Variants in CHMP1A observed in about 807,000 individuals in gnomAD.
CHMP1A encodes the protein charged multivesicular body protein 1A.
Under a neutral mutation model 27.0 loss-of-function variants are expected in CHMP1A, and 17 were observed. The observed-to-expected ratio is 0.63, with a 90% CI of 0.43 to 0.95. The LOEUF is 0.95. CHMP1A is among the 40% of genes least tolerant of loss of function. The probability of loss-of-function intolerance (pLI) is 0.00; values close to 1 mark genes in which losing one functional copy is unlikely to be tolerated. For missense variants in CHMP1A, 275 were observed against 264.0 expected (o/e 1.04, Z -0.29); for synonymous variants, 131 against 107.5 (o/e 1.22, Z -1.35).
chr16:89,646,305 GACAC>G (rs1228695457), intron 6 of CHMP1A, among the ~76,000 whole-genome samples: 1 of 152,194 alleles, frequency 6.6e-6, no homozygotes, highest in Non-Finnish European at 1.5e-5. Context: ...CGCCATGCCT[GACAC>G]ACACTCAAGC....
Position 89,646,005 on chromosome 16 carries a change from A to G in CHMP1A, c.*61T>C. 1 of 1,610,696 alleles carries G rather than the reference A, an allele frequency of 6.2e-7. No individual in the cohort carries two copies. The highest frequency in any genetic ancestry group is 1.1e-5 in the South Asian group (1 of 90,734). On this transcript the variant is annotated 3_prime_UTR_variant, in exon 7 of 7. Transcript: ENST00000397901. ...AGCACAAAGGCAAGACGCGGTGGGG[A>G]GAGGACAGGAGCCTTCCAGCACATC...
rs118148658 is a variant in CHMP1A, at chr16:89,647,015, C to T, written c.381+188G>A. 28,003 of 1,511,332 alleles carry T rather than the reference C, an allele frequency of 0.019. 5,017 individuals are homozygous for T. In the East Asian group the frequency reaches 0.48, roughly 26 times the overall value. The allele number at this position is 1,511,332 out of a possible 1,614,324, so 93.6% of individuals were successfully genotyped here. ...GAGCCAGGTGCCTGCAGGAGGCCCC[C>T]GCCGCCCTGCCCACCCTACCTGTCA... On this transcript the variant is annotated intron_variant, in intron 5 of 6. Coordinates refer to ENST00000397901, the MANE Select transcript of CHMP1A (RefSeq NM_002768.5).
chr16:89,645,797 G>A lies in CHMP1A; in HGVS notation c.*269C>T, dbSNP rs2059768872. 1.0e-6 allele frequency: 1 copy of A among 966,674 alleles called. No individual in the cohort carries two copies. Among genetic ancestry groups the A allele is most frequent in the Non-Finnish European group, 1.5e-6 (1 of 678,744 alleles). 59.9% of individuals were successfully genotyped at this position (966,674 alleles called of 1,614,324 possible). ...ACAGTGCTGGGTGAAAGTCCACAGG[G>A]CCCCTCTTGGCCTCCCCGCTGTGGG... is the stretch of plus-strand genomic sequence containing the variant. On this transcript the variant is annotated 3_prime_UTR_variant, in exon 7 of 7. Transcript: ENST00000397901.
intron 5 of CHMP1A, chr16:89,646,953 T>C (rs1481984937): frequency 8.6e-7 from 1 of 1,161,878 alleles, no homozygotes; most frequent in African/African-American, 1.9e-5. Flanking sequence ...TTTCCACACC[T>C]CTGCATGCTT....
At chr16:89,652,886 T>G (rs2059835849) in intron 2 of CHMP1A, among the ~76,000 whole-genome samples, 1 of 152,160 alleles carries the variant, frequency 6.6e-6, no homozygotes, top group African/African-American at 2.4e-5. Flanking sequence ...TGCCCTGGAT[T>G]ACCGGAAGCT....
At chr16:89,656,203 C>A (rs1435810629) in intron 1 of CHMP1A, among the ~76,000 whole-genome samples, 2 of 152,236 alleles carry the variant, frequency 1.3e-5, no homozygotes, top group Non-Finnish European at 2.9e-5. Context: ...GTGGCGCGAT[C>A]TCGGCTCACT....
At chr16:89,649,305 T>G (rs749837191) in intron 4 of CHMP1A, 46 bp downstream of exon 4, 1 of 1,596,090 alleles carries the variant, frequency 6.3e-7, no homozygotes, top group Non-Finnish European at 8.6e-7. Flanking sequence ...CATTCCTGCT[T>G]CAGCCAGCGA....
rs1286851417 is a variant in CHMP1A at position 89,651,715 on chromosome 16, C to T, written c.28-69G>A. 6.0e-6 allele frequency: 9 copies of T among 1,488,614 alleles called. No individual in the cohort carries two copies. In the East Asian group the frequency reaches 1.6e-4, roughly 27 times the overall value. 92.2% of individuals were successfully genotyped at this position (1,488,614 alleles called of 1,614,324 possible). A position where few individuals can be genotyped will look rare whatever the true frequency, so the allele number is the denominator to read the frequency against. On this transcript the variant is annotated intron_variant, in intron 2 of 6. Coordinates refer to ENST00000397901, the MANE Select transcript of CHMP1A (RefSeq NM_002768.5). ...ATCCCCCAGGCCCGGCTCTCCACAC[C>T]CCCACACCTGTGCCCACACCTGTGC...
At chr16:89,649,214 C>A in intron 4 of CHMP1A, 137 bp downstream of exon 4, 2 of 715,984 alleles carry the variant, frequency 2.8e-6, no homozygotes, top group Non-Finnish European at 2.0e-6. Flanking sequence ...CCACGCTGAT[C>A]CAGCTTCCCT....
chr16:89,645,811 C>T lies in CHMP1A; in HGVS notation c.*255G>A. The T allele has an allele frequency of 8.4e-7, 1 of 1,195,236 alleles. No individual in the cohort carries two copies. Among genetic ancestry groups the T allele is most frequent in the Admixed American group, 2.6e-5 (1 of 38,302 alleles). The allele number at this position is 1,195,236 out of a possible 1,614,324, so 74.0% of individuals were successfully genotyped here. ...AAGTCCACAGGGCCCCTCTTGGCCT[C>T]CCCGCTGTGGGCCCAGAGTCACAGA... On this transcript the variant is annotated 3_prime_UTR_variant, in exon 7 of 7. Transcript: ENST00000397901.
intron 1 of CHMP1A, among the ~76,000 whole-genome samples, chr16:89,656,359 G>A (rs866229954): frequency 1.3e-5 from 2 of 151,108 alleles, no homozygotes; most frequent in Admixed American, 6.6e-5. Flanking sequence ...GGATGGTCTC[G>A]ATCTCCTGAC....
At chr16:89,657,468 G>C in intron 1 of CHMP1A, 114 bp downstream of exon 1, 1 of 1,355,466 alleles carries the variant, frequency 7.4e-7, no homozygotes, top group East Asian at 2.6e-5. Context: ...CGACGGTCGA[G>C]GCCCGAGCTC....
chr16:89,646,240 CCTGAT>C (rs1296457037), intron 6 of CHMP1A, among the ~76,000 whole-genome samples, 153 bp from the exon 7 acceptor site: 1 of 152,204 alleles, frequency 6.6e-6, no homozygotes. Flanking sequence ...CCCACTCTTA[CCTGAT>C]CTGTTAGGAA....
At chr16:89,646,877 C>T (rs1207500681) in intron 5 of CHMP1A, 163 bp from the exon 6 acceptor site, 4 of 910,994 alleles carry the variant, frequency 4.4e-6, no homozygotes, top group Non-Finnish European at 6.7e-6. Flanking sequence ...CACCAGGAGC[C>T]TTTCCTGCCC....
rs942348603 is a variant in CHMP1A, at chr16:89,648,462, G to A, written c.252+889C>T. Among the ~76,000 whole-genome samples the A allele has an allele frequency of 4.6e-5, 7 of 151,916 alleles. 3 individuals carry two copies. Among genetic ancestry groups the A allele is most frequent in the African/African-American group, 1.2e-4 (5 of 41,320 alleles). On this transcript the variant is annotated intron_variant, in intron 4 of 6. Transcript: ENST00000397901. ...CCGACGTGGGGTCTCCAGGACTGCT[G>A]TGCCCTCCTGGCCCACCTGCACTGT...
chr16:89,646,720 G>A lies in CHMP1A; in HGVS notation c.382-6C>T, dbSNP rs747748379. The A allele has an allele frequency of 4.7e-5, 76 of 1,606,984 alleles. No homozygotes were observed. The South Asian group carries it at 7.0e-4, about 15-fold the overall frequency. ...CTCATGGAGTCCTCCATCACCTGGG[G>A]GCAGGGGCATGCTCTGGACAACAGG... On this transcript the variant is annotated splice_region_variant and splice_polypyrimidine_tract_variant and intron_variant, in intron 5 of 6. Transcript: ENST00000397901.
At chr16:89,649,838 A>C (rs1436238819) in intron 3 of CHMP1A, among the ~76,000 whole-genome samples, 1 of 152,186 alleles carries the variant, frequency 6.6e-6, no homozygotes, top group Non-Finnish European at 1.5e-5. Context: ...GGCCTCCCAA[A>C]GAGCTGGGAT....
intron 2 of CHMP1A, among the ~76,000 whole-genome samples, chr16:89,652,209 C>T (rs1159614277): frequency 1.3e-5 from 2 of 151,786 alleles, no homozygotes; most frequent in South Asian, 2.1e-4. Context: ...CACAAGGACA[C>T]AGGACCTCTG....
intron 1 of CHMP1A, 143 bp from the exon 2 acceptor site, chr16:89,654,066 C>T (rs2059845272): frequency 1.3e-5 from 11 of 838,452 alleles, no homozygotes; most frequent in East Asian, 2.6e-5. Flanking sequence ...CTTCGGGGAG[C>T]CCCCCCCAAC....
Sources: gnomAD v4.1 joint callset for allele counts (sites outside exome capture counted in the v4.1 genomes callset) on GRCh38, gnomAD v4.1.1 for gene constraint, MANE v1.5 for transcripts, NCBI Gene and HGNC (gene_info 2026-07-23, HGNC 2026-07-21) for gene names.